UTS2B: variants seen among roughly 807,000 people sequenced by gnomAD.
UTS2B encodes the protein urotensin-2B.
Under a neutral mutation model 19.2 loss-of-function variants are expected in UTS2B, and 21 were observed. The ratio of observed to expected loss-of-function variants is 1.09; its 90% CI spans 0.78 to 1.58. The LOEUF (loss-of-function observed/expected upper bound fraction) is 1.58, where lower values mean the gene tolerates loss of function less well. Among genes scored for constraint, UTS2B ranks in the 40% most tolerant of loss-of-function variants. The pLI is 0.00. For synonymous variants in UTS2B, 57 were observed against 50.2 expected, an observed-to-expected ratio of 1.14 and a Z score of -0.58; for missense variants, 138 against 130.3, an observed-to-expected ratio of 1.06 and a Z score of -0.29.
At chr3:191,300,328 G>A (rs1357863379) in intron 4 of UTS2B, among the ~76,000 whole-genome samples, 2 of 151,708 alleles carry the variant, frequency 1.3e-5, no homozygotes, top group African/African-American at 4.8e-5. Flanking sequence ...GATTACAGGT[G>A]TGAGCCACCG....
rs1473534457 is a variant in UTS2B at position 191,329,949 on chromosome 3, G to T, written c.-665+465C>A. Among the ~76,000 whole-genome samples the T allele has an allele frequency of 5.2e-4, 75 of 142,994 alleles. 2 individuals carry two copies. Among genetic ancestry groups the T allele is most frequent in the African/African-American group, 1.5e-3 (59 of 39,416 alleles). 93.8% of individuals were successfully genotyped at this position (142,994 alleles called of 152,430 possible). A position where few individuals can be genotyped will look rare whatever the true frequency, so the allele number is the denominator to read the frequency against. On this transcript the variant is annotated intron_variant, in intron 1 of 8. Coordinates refer to ENST00000340524, the MANE Select transcript of UTS2B (RefSeq NM_198152.5). ...TTTTCTCAAGGGGGTGGTTGGGGGGGGGGGGGGCTAGCAGCAGCCCCAGCA... is the reference window on the plus strand; with the variant it reads ...TTTTCTCAAGGGGGTGGTTGGGGGGTGGGGGGGCTAGCAGCAGCCCCAGCA...
chr3:191,276,715 A>G, intron 7 of UTS2B, 92 bp downstream of exon 7: 2 of 1,078,472 alleles, frequency 1.9e-6, no homozygotes, highest in Non-Finnish European at 2.7e-6. Flanking sequence ...ACATTGTAGT[A>G]TTAATAATTT....
intron 8 of UTS2B, among the ~76,000 whole-genome samples, chr3:191,271,200 CAAAAAA>C (rs66756396): frequency 2.8e-4 from 15 of 52,768 alleles, no homozygotes; most frequent in African/African-American, 9.3e-4. Flanking sequence ...GAGACTCTCT[CAAAAAA>C]AAAAAAAAAA....
chr3:191,271,859 A>G (rs1300856463), intron 8 of UTS2B, among the ~76,000 whole-genome samples: 1 of 152,190 alleles, frequency 6.6e-6, no homozygotes, highest in African/African-American at 2.4e-5. Flanking sequence ...CTTCTACTCA[A>G]TTTACTCCTG....
intron 3 of UTS2B, among the ~76,000 whole-genome samples, chr3:191,306,022 CTA>C (rs1355903113): frequency 1.3e-5 from 2 of 152,064 alleles, no homozygotes; most frequent in African/African-American, 4.8e-5. Flanking sequence ...TTCCATTGGT[CTA>C]TGTGTCTGTT....
At chr3:191,275,158 T>G in intron 8 of UTS2B, 94 bp downstream of exon 8, 2 of 935,688 alleles carry the variant, frequency 2.1e-6, no homozygotes, top group Non-Finnish European at 3.3e-6. Flanking sequence ...CACCATAAGA[T>G]TAAGAAATGC....
intron 4 of UTS2B, among the ~76,000 whole-genome samples, chr3:191,284,571 C>T (rs1030600047): frequency 2.0e-5 from 3 of 150,930 alleles, no homozygotes; most frequent in African/African-American, 7.3e-5. Flanking sequence ...ATCCACTCAC[C>T]TCAGCCTCCC....
chr3:191,341,230 A>T, the UTS2B span, among the ~76,000 whole-genome samples: 2 of 152,200 alleles, frequency 1.3e-5, 1 homozygote, highest in African/African-American at 4.8e-5. Context: ...AAAATAACTA[A>T]TTATAAGAAT....
chr3:191,289,795 G>A (rs754020952), intron 4 of UTS2B, among the ~76,000 whole-genome samples: 13 of 152,172 alleles, frequency 8.5e-5, no homozygotes, highest in Non-Finnish European at 1.8e-4. Context: ...TGGGTTGTGG[G>A]GAAGGGAGAA....
intron 4 of UTS2B, among the ~76,000 whole-genome samples, chr3:191,291,508 A>G (rs1470611337): frequency 6.6e-6 from 1 of 151,978 alleles, no homozygotes; most frequent in Non-Finnish European, 1.5e-5. Context: ...GCTGGAGTGC[A>G]GTGGCGCCAT....
At chr3:191,307,871 C>T (rs1271464140) in intron 3 of UTS2B, among the ~76,000 whole-genome samples, 12 of 145,540 alleles carry the variant, frequency 8.2e-5, no homozygotes, top group Non-Finnish European at 6.0e-5. Context: ...AGTCTCGCTC[C>T]GTTGCCCAGG....
At chr3:191,273,471 T>A (rs760429279) in intron 8 of UTS2B, 33 of 456,630 alleles carry the variant, frequency 7.2e-5, no homozygotes, top group Non-Finnish European at 1.4e-4. Context: ...CCTTCCGAAC[T>A]GAGGCAATTG....
rs1004292900 is a variant in UTS2B, at chr3:191,310,572, C to T, written c.-182+5464G>A. Among the ~76,000 whole-genome samples, 3 of 152,266 alleles carry T rather than the reference C, an allele frequency of 2.0e-5. No individual in the cohort carries two copies. The South Asian group carries it at 6.2e-4, about 32-fold the overall frequency. Reference sequence around the variant, plus strand: ...GCCAATGTTGATGCTCTGGCCATTGCTATTTCTGTGAGTAATGAACTGTCA... The same window carrying T: ...GCCAATGTTGATGCTCTGGCCATTGTTATTTCTGTGAGTAATGAACTGTCA... On this transcript the variant is annotated intron_variant, in intron 3 of 8. Transcript: ENST00000340524.
intron 4 of UTS2B, among the ~76,000 whole-genome samples, chr3:191,301,577 C>T (rs1282466454): frequency 6.7e-6 from 1 of 148,970 alleles, no homozygotes; most frequent in Admixed American, 6.7e-5. Context: ...AGCTCCGCCG[C>T]CTGGGTTCAC....
chr3:191,278,651 T>C (rs935565234), intron 5 of UTS2B, among the ~76,000 whole-genome samples: 31 of 152,144 alleles, frequency 2.0e-4, no homozygotes, highest in African/African-American at 7.5e-4. Flanking sequence ...CCAAGGAAGA[T>C]TGTGGCAAAG....
At chr3:191,319,939 T>C (rs899683135) in intron 2 of UTS2B, among the ~76,000 whole-genome samples, 1 of 151,770 alleles carries the variant, frequency 6.6e-6, no homozygotes, top group African/African-American at 2.4e-5. Flanking sequence ...TTGGTCAGCA[T>C]AGTCTAGATA....
chr3:191,312,761 G>A (rs1333785760), intron 3 of UTS2B, among the ~76,000 whole-genome samples: 1 of 152,130 alleles, frequency 6.6e-6, no homozygotes, highest in Non-Finnish European at 1.5e-5. Flanking sequence ...GTCATCTTGA[G>A]GATTGGCTTT....
At chr3:191,298,089 C>T (rs1312455249) in intron 4 of UTS2B, among the ~76,000 whole-genome samples, 1 of 152,088 alleles carries the variant, frequency 6.6e-6, no homozygotes, top group East Asian at 1.9e-4. Context: ...TCAACTGTTG[C>T]CTAGTTGTAG....
chr3:191,291,800 C>T (rs927979588), intron 4 of UTS2B, among the ~76,000 whole-genome samples: 15 of 133,828 alleles, frequency 1.1e-4, no homozygotes, highest in Non-Finnish European at 2.4e-4. Context: ...TTGGGTTTCA[C>T]CTTTATTTAT....
Sources: allele counts gnomAD v4.1 joint callset (sites outside exome capture counted in the v4.1 genomes callset), GRCh38; gene constraint gnomAD v4.1.1; transcripts MANE v1.5; gene names NCBI Gene and HGNC (gene_info 2026-07-23, HGNC 2026-07-21).